Variants in CADM2 observed in about 807,000 individuals in gnomAD.
CADM2 encodes the protein cell adhesion molecule 2.
In CADM2, 12 loss-of-function variants were observed where a neutral mutation model predicts 49.8. The observed-to-expected ratio is 0.24, with a 90% CI of 0.15 to 0.39. The LOEUF (loss-of-function observed/expected upper bound fraction) is 0.39, where lower values mean the gene tolerates loss of function less well. Among genes scored for constraint, CADM2 ranks in the 10% least tolerant of loss-of-function variants. The pLI, the probability that CADM2 is intolerant of heterozygous loss-of-function variation, is 1.00. For synonymous variants in CADM2, 214 were observed against 175.4 expected (o/e 1.22, Z -1.74); for missense variants, 378 against 492.3 (o/e 0.77, Z 2.20).
At chr3:85,769,623 GTATATATATACACA>G (rs2069959008) in intron 2 of CADM2, among the ~76,000 whole-genome samples, 3 of 36,818 alleles carry the variant, frequency 8.1e-5, no homozygotes, top group Non-Finnish European at 4.9e-5. Context: ...TACATATATA[GTATATATATACACA>G]TATATACATA....
Position 85,068,369 on chromosome 3 carries a change from G to A in CADM2, c.61+108701G>A, listed in dbSNP as rs115353909. The stretch of plus-strand genomic sequence containing the variant: ...AACTGGGAGAGGACAACAGCAGCAA[G>A]CCTGTTCTCTAGACACACAATCTGG... On this transcript the variant is annotated intron_variant, in intron 1 of 9. Coordinates refer to ENST00000383699, the MANE Select transcript of CADM2 (RefSeq NM_001167675.2). 5.5e-3 allele frequency among the ~76,000 whole-genome samples: 845 copies of A among 152,262 alleles called. 2 individuals carry two copies. Among genetic ancestry groups the A allele is most frequent in the Middle Eastern group, 0.01 (3 of 294 alleles).
intron 7 of CADM2, among the ~76,000 whole-genome samples, chr3:85,942,629 C>G (rs1259392506): frequency 6.6e-6 from 1 of 151,732 alleles, no homozygotes; most frequent in Non-Finnish European, 1.5e-5. Context: ...ATGATGATTT[C>G]CAGTTTCATC....
At chr3:85,353,308 C>G (rs1393686354) in intron 1 of CADM2, among the ~76,000 whole-genome samples, 1 of 151,940 alleles carries the variant, frequency 6.6e-6, no homozygotes, top group African/African-American at 2.4e-5. Context: ...GAGGCCATTT[C>G]CCCCTCTCAA....
intron 1 of CADM2, among the ~76,000 whole-genome samples, chr3:85,045,945 T>G (rs1369899787): frequency 1.3e-5 from 2 of 152,154 alleles, no homozygotes; most frequent in Non-Finnish European, 2.9e-5. Flanking sequence ...CATTGGATAG[T>G]GTCTTTTCTA....
intron 1 of CADM2, among the ~76,000 whole-genome samples, chr3:85,499,466 TTG>T (rs1319824052): frequency 1.3e-5 from 2 of 151,674 alleles, no homozygotes; most frequent in Admixed American, 6.6e-5. Flanking sequence ...TCGGCCACTG[TTG>T]TGTGTGTGTG....
chr3:85,148,534 T>C (rs1485450010), intron 1 of CADM2, among the ~76,000 whole-genome samples: 1 of 152,198 alleles, frequency 6.6e-6, no homozygotes, highest in South Asian at 2.1e-4. Flanking sequence ...AAATTTATAG[T>C]ATCCTGAATG....
At chr3:86,058,679 T>A (rs1738274399) in intron 8 of CADM2, among the ~76,000 whole-genome samples, 1 of 152,064 alleles carries the variant, frequency 6.6e-6, no homozygotes, top group Admixed American at 6.6e-5. Flanking sequence ...TGTATAAAAA[T>A]GTCCTTGGAA....
At chr3:85,385,741 A>G (rs566289989) in intron 1 of CADM2, 1 of 147,270 alleles carries the variant, frequency 6.8e-6, no homozygotes, top group African/African-American at 2.5e-5. Flanking sequence ...GGAGTTTATT[A>G]TGTTTTGGAC....
At chr3:85,330,917 A>T (rs377017615) in intron 1 of CADM2, among the ~76,000 whole-genome samples, 1 of 152,122 alleles carries the variant, frequency 6.6e-6, no homozygotes, top group South Asian at 2.1e-4. Context: ...AGCCGTAATA[A>T]CACTATTGCA....
intron 2 of CADM2, among the ~76,000 whole-genome samples, chr3:85,771,904 G>C (rs1249532192): frequency 2.6e-5 from 4 of 151,786 alleles, no homozygotes; most frequent in Non-Finnish European, 5.9e-5. Flanking sequence ...TCCAAGTTGA[G>C]CCAGAATGTC....
chr3:85,678,196 T>G (rs948285816), intron 1 of CADM2, among the ~76,000 whole-genome samples: 1 of 152,184 alleles, frequency 6.6e-6, no homozygotes, highest in Non-Finnish European at 1.5e-5. Flanking sequence ...GAGTTGTGAT[T>G]TGAAGGCAAA....
At chr3:85,208,287 A>G (rs958615424) in intron 1 of CADM2, among the ~76,000 whole-genome samples, 1 of 152,182 alleles carries the variant, frequency 6.6e-6, no homozygotes, top group African/African-American at 2.4e-5. Flanking sequence ...CTTTTATGTA[A>G]CGTTACTAGA....
chr3:85,434,400 T>A (rs2036831654), intron 1 of CADM2, among the ~76,000 whole-genome samples: 1 of 151,924 alleles, frequency 6.6e-6, no homozygotes, highest in East Asian at 1.9e-4. Context: ...TATGATTATC[T>A]TTGAAAAATT....
intron 1 of CADM2, among the ~76,000 whole-genome samples, chr3:85,684,227 T>A (rs1484810639): frequency 6.6e-6 from 1 of 152,232 alleles, no homozygotes; most frequent in East Asian, 1.9e-4. Context: ...TATGAAAGGA[T>A]TAATTCAAAT....
chr3:85,606,801 T>C (rs1276813136), intron 1 of CADM2, among the ~76,000 whole-genome samples: 2 of 152,136 alleles, frequency 1.3e-5, no homozygotes, highest in Non-Finnish European at 2.9e-5. Flanking sequence ...TGGCTTTTTT[T>C]TTCTTCTGAG....
At chr3:85,549,789 ATT>A (rs71617942) in intron 1 of CADM2, among the ~76,000 whole-genome samples, 2 of 134,862 alleles carry the variant, frequency 1.5e-5, no homozygotes. Flanking sequence ...ATGCTGGGCT[ATT>A]TTTTTTTTTT....
At chr3:85,879,912 C>T (rs892448603) in intron 3 of CADM2, among the ~76,000 whole-genome samples, 1 of 152,010 alleles carries the variant, frequency 6.6e-6, no homozygotes, top group African/African-American at 2.4e-5. Flanking sequence ...TGTGTGGGTT[C>T]ATGTATCCAT....
At chr3:86,044,026 G>A (rs1578044926) in intron 8 of CADM2, among the ~76,000 whole-genome samples, 1 of 152,120 alleles carries the variant, frequency 6.6e-6, no homozygotes. Flanking sequence ...AGCTGAAACT[G>A]GATCCCTTCC....
chr3:85,433,719 C>T (rs1038204683), intron 1 of CADM2, among the ~76,000 whole-genome samples: 1 of 151,990 alleles, frequency 6.6e-6, no homozygotes, highest in African/African-American at 2.4e-5. Flanking sequence ...AGAAATATGG[C>T]TAGATTAACA....
Sources: allele counts gnomAD v4.1 joint callset (sites outside exome capture counted in the v4.1 genomes callset), GRCh38; gene constraint gnomAD v4.1.1; transcripts MANE v1.5; gene names NCBI Gene and HGNC (gene_info 2026-07-23, HGNC 2026-07-21).